The following GEMIN8 variants were observed in gnomAD, a reference collection of about 807,000 sequenced individuals.
GEMIN8 encodes gem nuclear organelle associated protein 8.
For missense variants in GEMIN8, 185 were observed against 205.9 expected, an observed-to-expected ratio of 0.90 and a Z score of 0.62; for synonymous variants, 80 against 78.5, an observed-to-expected ratio of 1.02 and a Z score of -0.10.
At chrX:14,010,689 GC>G (rs752810863) in intron 4 of GEMIN8, among the ~76,000 whole-genome samples, 1 of 112,070 alleles carries the variant, frequency 8.9e-6, no homozygotes, top group Non-Finnish European at 1.9e-5. Context: ...TGTGGCCATT[GC>G]TGTCTTGGAA....
At chrX:14,018,842 T>A (rs1205103630) in intron 4 of GEMIN8, among the ~76,000 whole-genome samples, 1 of 104,843 alleles carries the variant, frequency 9.5e-6, no homozygotes, top group Non-Finnish European at 2.0e-5. Flanking sequence ...CGTGGCTCAC[T>A]GCAGCCTCAA....
chrX:14,006,557 T>C (rs1352151197), downstream of GEMIN8, among the ~76,000 whole-genome samples: 2 of 111,611 alleles, frequency 1.8e-5, no homozygotes, highest in Non-Finnish European at 3.8e-5. Flanking sequence ...ACGTGTGCCT[T>C]GTATCACAAA....
intron 4 of GEMIN8, among the ~76,000 whole-genome samples, chrX:14,018,812 C>A (rs1454878811): frequency 4.1e-5 from 4 of 96,509 alleles, no homozygotes; most frequent in African/African-American, 1.6e-4. Flanking sequence ...GTCACCCAGG[C>A]TGGAGTACAG....
chrX:14,005,042 G>A (rs140211505), downstream of GEMIN8, among the ~76,000 whole-genome samples: 62 of 111,435 alleles, frequency 5.6e-4, no homozygotes, highest in Middle Eastern at 0.014. Context: ...ATATATATTT[G>A]GTCTCTGACA....
chrX:13,998,642 G>A, the GEMIN8 span, among the ~76,000 whole-genome samples: 1 of 110,962 alleles, frequency 9.0e-6, no homozygotes, highest in African/African-American at 3.3e-5. Flanking sequence ...GACTAATACA[G>A]GGGACCTCAC....
At chrX:14,017,949 T>G (rs1259709331) in intron 4 of GEMIN8, among the ~76,000 whole-genome samples, 2 of 112,153 alleles carry the variant, frequency 1.8e-5, no homozygotes, top group Non-Finnish European at 3.8e-5. Flanking sequence ...AGCCGTAAAG[T>G]AACTAGACAG....
At chrX:13,992,676 G>T in the GEMIN8 span, among the ~76,000 whole-genome samples, 822 of 111,629 alleles carry the variant, frequency 7.4e-3, 5 homozygotes, top group Non-Finnish European at 0.013. Context: ...AAGTCAATGG[G>T]GCTGGAGCAG....
At chrX:13,997,100 C>A in the GEMIN8 span, among the ~76,000 whole-genome samples, 1 of 109,734 alleles carries the variant, frequency 9.1e-6, no homozygotes, top group Non-Finnish European at 1.9e-5. Context: ...CGTCACCACG[C>A]CCAGCTAATT....
the GEMIN8 span, among the ~76,000 whole-genome samples, chrX:13,989,842 T>C: frequency 1.3e-4 from 15 of 112,787 alleles, no homozygotes; most frequent in Non-Finnish European, 2.6e-4. Flanking sequence ...GCTTCACACA[T>C]AGATCCCACA....
intron 2 of GEMIN8, among the ~76,000 whole-genome samples, chrX:14,025,412 C>T (rs769087049): frequency 1.8e-5 from 2 of 110,255 alleles, no homozygotes; most frequent in East Asian, 5.7e-4. Flanking sequence ...GTACAAAAAA[C>T]AGGCTGTGGG....
chrX:14,008,785 TG>T lies in GEMIN8; in HGVS notation c.*127del. 1 of 648,805 alleles carries T rather than the reference TG, an allele frequency of 1.5e-6. No individual in the cohort carries two copies. The highest frequency in any genetic ancestry group is 2.2e-5 in the African/African-American group (1 of 45,745). The allele number at this position is 648,805 out of a possible 1,213,427, so 53.5% of individuals were successfully genotyped here. On this transcript the variant is annotated 3_prime_UTR_variant, in exon 5 of 5. Coordinates refer to ENST00000680255, the MANE Select transcript of GEMIN8 (RefSeq NM_001042479.2). ...TACATCCACCCCGTGACAGGCCCAC[TG>T]GGACTGTGGTGAACATGCCTGTACC...
chrX:14,016,336 A>C (rs1445223320), intron 4 of GEMIN8, among the ~76,000 whole-genome samples: 4 of 112,206 alleles, frequency 3.6e-5, no homozygotes, highest in Admixed American at 9.4e-5. Flanking sequence ...AAGTGGGTTA[A>C]TTTTCCCAGT....
At chrX:14,020,726 T>G in intron 3 of GEMIN8, 192 bp from the exon 4 acceptor site, 1 of 423,225 alleles carries the variant, frequency 2.4e-6, no homozygotes. Context: ...ACCAAGTGTA[T>G]GCACACTTGC....
the GEMIN8 span, among the ~76,000 whole-genome samples, chrX:13,999,237 A>G: frequency 9.4e-6 from 1 of 106,946 alleles, no homozygotes; most frequent in Non-Finnish European, 1.9e-5. Context: ...ACATTGGCAT[A>G]TTCCTGTTAA....
intron 4 of GEMIN8, among the ~76,000 whole-genome samples, chrX:14,018,082 T>G (rs1460880933): frequency 3.6e-5 from 4 of 112,577 alleles, no homozygotes; most frequent in Non-Finnish European, 7.5e-5. Context: ...TGGGTAAGAT[T>G]TGCCAACCTC....
At chrX:14,014,296 T>C (rs892464742) in intron 4 of GEMIN8, 2 of 751,747 alleles carry the variant, frequency 2.7e-6, no homozygotes, top group Non-Finnish European at 3.1e-6. Context: ...GAATGCCTCA[T>C]TTCTGGCTTG....
chrX:14,009,507 A>G (rs924707816), intron 4 of GEMIN8, among the ~76,000 whole-genome samples: 1 of 111,039 alleles, frequency 9.0e-6, no homozygotes, highest in Admixed American at 9.6e-5. Flanking sequence ...GCAGTGTACC[A>G]CTATACTCCA....
intron 4 of GEMIN8, among the ~76,000 whole-genome samples, chrX:14,017,382 CAAAT>C (rs2147128869): frequency 8.9e-6 from 1 of 112,068 alleles, no homozygotes; most frequent in Admixed American, 9.5e-5. Flanking sequence ...CACAGTAAAA[CAAAT>C]AAGTAATACA....
chrX:13,989,569 G>A, the GEMIN8 span, among the ~76,000 whole-genome samples: 1 of 112,940 alleles, frequency 8.9e-6, no homozygotes, highest in Non-Finnish European at 1.9e-5. Flanking sequence ...ACAGAGCAAT[G>A]AAGAAACTCT....
Sources: allele counts gnomAD v4.1 joint callset (sites outside exome capture counted in the v4.1 genomes callset), GRCh38; gene constraint gnomAD v4.1.1; transcripts MANE v1.5; gene names NCBI Gene and HGNC (gene_info 2026-07-23, HGNC 2026-07-21).